Variants in COP1 observed in about 807,000 individuals in gnomAD.
COP1 encodes the protein E3 ubiquitin-protein ligase COP1.
COP1 carries 24 observed loss-of-function variants against 101.3 expected under a neutral mutation model. The ratio of observed to expected loss-of-function variants is 0.24; its 90% confidence interval spans 0.17 to 0.33. The LOEUF (loss-of-function observed/expected upper bound fraction) is 0.33. COP1 is among the 10% of genes least tolerant of loss of function. The pLI, the probability that COP1 is intolerant of heterozygous loss-of-function variation, is 1.00. For missense variants in COP1, 663 were observed against 906.2 expected (o/e 0.73, Z 3.45); for synonymous variants, 347 against 341.9 (o/e 1.01, Z -0.17).
chr1:175,986,894 A>C, intron 18 of COP1, 49 bp downstream of exon 18: 2 of 1,374,210 alleles, frequency 1.5e-6, no homozygotes, highest in Non-Finnish European at 2.0e-6. Context: ...GTGTATACAT[A>C]ATGCATAATA....
chr1:175,951,434 G>A (rs1649879420), intron 18 of COP1, among the ~76,000 whole-genome samples: 3 of 42,822 alleles, frequency 7.0e-5, no homozygotes, highest in South Asian at 1.0e-3. Flanking sequence ...TATAAGATAC[G>A]TGAATATATA....
intron 9 of COP1, among the ~76,000 whole-genome samples, chr1:176,091,035 C>T (rs949732112): frequency 3.9e-5 from 6 of 152,006 alleles, no homozygotes; most frequent in African/African-American, 1.4e-4. Context: ...ATTAAAAAGG[C>T]AAAATGCTTT....
intron 5 of COP1, among the ~76,000 whole-genome samples, chr1:176,149,571 T>G (rs1411726830): frequency 6.6e-6 from 1 of 152,134 alleles, no homozygotes; most frequent in African/African-American, 2.4e-5. Flanking sequence ...GAGAATATAT[T>G]TCTATGGAAG....
chr1:175,952,019 A>T (rs1649992671), intron 18 of COP1, among the ~76,000 whole-genome samples: 1 of 152,220 alleles, frequency 6.6e-6, no homozygotes, highest in East Asian at 1.9e-4. Context: ...AACAGAGAAA[A>T]TCTGTAGAAA....
At chr1:175,987,338 A>C (rs1657362930) in intron 17 of COP1, among the ~76,000 whole-genome samples, 1 of 152,226 alleles carries the variant, frequency 6.6e-6, no homozygotes, top group Non-Finnish European at 1.5e-5. Context: ...CAATACTGAT[A>C]ATTCTAAGGC....
intron 8 of COP1, among the ~76,000 whole-genome samples, chr1:176,117,859 C>T (rs1686468948): frequency 6.6e-6 from 1 of 152,120 alleles, no homozygotes; most frequent in East Asian, 1.9e-4. Flanking sequence ...CACACCATTG[C>T]ACTCCAGCCT....
chr1:176,162,493 A>T (rs1454990159), intron 5 of COP1, among the ~76,000 whole-genome samples: 1 of 152,198 alleles, frequency 6.6e-6, no homozygotes, highest in Non-Finnish European at 1.5e-5. Flanking sequence ...CTGTATGTAG[A>T]TAAAAATAAT....
intron 1 of COP1, among the ~76,000 whole-genome samples, chr1:176,187,413 G>A (rs1167271781): frequency 6.6e-6 from 1 of 151,292 alleles, no homozygotes; most frequent in Non-Finnish European, 1.5e-5. Flanking sequence ...GTGTGTGTGT[G>A]TGTGTGTGTG....
chr1:175,998,118 A>C (rs1330179465), intron 15 of COP1, among the ~76,000 whole-genome samples: 35 of 145,794 alleles, frequency 2.4e-4, no homozygotes, highest in Admixed American at 3.4e-4. Context: ...ACACCATGGA[A>C]TACTATGCAG....
At chr1:176,201,908 T>A (rs929920518) in intron 1 of COP1, among the ~76,000 whole-genome samples, 1 of 152,328 alleles carries the variant, frequency 6.6e-6, no homozygotes, top group Non-Finnish European at 1.5e-5. Flanking sequence ...GATATTACTA[T>A]AATAATATAA....
chr1:176,005,188 C>G (rs1008321743), intron 15 of COP1, among the ~76,000 whole-genome samples: 4 of 152,040 alleles, frequency 2.6e-5, no homozygotes, highest in African/African-American at 9.7e-5. Flanking sequence ...TCTGTGGGAT[C>G]GGTGGTGATA....
chr1:176,022,054 T>C (rs1424629325), intron 15 of COP1, among the ~76,000 whole-genome samples: 2 of 152,228 alleles, frequency 1.3e-5, no homozygotes, highest in African/African-American at 2.4e-5. Context: ...TTTTAATTAA[T>C]GTATTTTGAG....
intron 1 of COP1, among the ~76,000 whole-genome samples, chr1:176,196,123 T>A (rs1293049473): frequency 2.6e-5 from 4 of 152,076 alleles, no homozygotes; most frequent in African/African-American, 4.8e-5. Context: ...AAAGTAGGGA[T>A]TAGAAAGGGA....
chr1:176,062,470 T>TA (rs1205590618), intron 11 of COP1, among the ~76,000 whole-genome samples: 8 of 152,042 alleles, frequency 5.3e-5, no homozygotes, highest in South Asian at 2.1e-4. Context: ...GCCTGATATT[T>TA]AAAAAAAATA....
intron 11 of COP1, among the ~76,000 whole-genome samples, chr1:176,050,607 T>G (rs1672378807): frequency 6.6e-6 from 1 of 152,184 alleles, no homozygotes; most frequent in African/African-American, 2.4e-5. Context: ...CTGGCCATTT[T>G]AACGAAAAGT....
At chr1:176,056,096 G>A (rs1025819973) in intron 11 of COP1, among the ~76,000 whole-genome samples, 11 of 152,010 alleles carry the variant, frequency 7.2e-5, no homozygotes, top group Non-Finnish European at 1.0e-4. Context: ...TTAAATTTCC[G>A]TGTGGTATAT....
intron 4 of COP1, among the ~76,000 whole-genome samples, chr1:176,163,480 C>A (rs1031557973): frequency 1.5e-4 from 23 of 152,178 alleles, no homozygotes; most frequent in African/African-American, 5.3e-4. Context: ...CTTGGCCTCC[C>A]AAAGTGTTGG....
chr1:176,171,677 T>TTG lies in COP1; in HGVS notation c.565+4232_565+4233insCA, dbSNP rs1389610728. Among the ~76,000 whole-genome samples the TTG allele has an allele frequency of 6.1e-3, 921 of 152,224 alleles. 11 individuals carry two copies. The highest frequency in any genetic ancestry group is 0.021 in the African/African-American group (883 of 41,528). On this transcript the variant is annotated intron_variant, in intron 3 of 19. Coordinates refer to ENST00000367669, the MANE Select transcript of COP1 (RefSeq NM_022457.7). ...ACTTAATGCAGGGTTGCCACAAACTTTCAATTTGTTAAAAAAAATGCAACT... is the reference window on the plus strand; with the variant it reads ...ACTTAATGCAGGGTTGCCACAAACTTTGTCAATTTGTTAAAAAAAATGCAACT...
chr1:176,112,428 G>A (rs1438317245), intron 9 of COP1, among the ~76,000 whole-genome samples: 1 of 151,974 alleles, frequency 6.6e-6, no homozygotes, highest in Non-Finnish European at 1.5e-5. Flanking sequence ...TTTCTTTTTA[G>A]AAAAGTTGCT....
Sources: allele counts gnomAD v4.1 joint callset (sites outside exome capture counted in the v4.1 genomes callset), GRCh38; gene constraint gnomAD v4.1.1; transcripts MANE v1.5; gene names NCBI Gene and HGNC (gene_info 2026-07-23, HGNC 2026-07-21).